The following ABCB5 variants were observed in gnomAD, a reference collection of about 807,000 sequenced individuals.
ABCB5 encodes the protein ATP binding cassette subfamily B member 5.
ABCB5 carries 155 observed loss-of-function variants against 144.2 expected under a neutral mutation model. The ratio of observed to expected loss-of-function variants is 1.08; its 90% CI spans 0.94 to 1.23. The LOEUF is 1.23. Among genes scored for constraint, ABCB5 ranks in the 50% most tolerant of loss-of-function variants. The pLI, the probability that ABCB5 is intolerant of heterozygous loss-of-function variation, is 0.00. For synonymous variants in ABCB5, 610 were observed against 528.6 expected (o/e 1.15, Z -2.11); for missense variants, 1,830 against 1,520.8 (o/e 1.20, Z -3.38).
At position 20,742,911 on chromosome 7, in the gene ABCB5, T is replaced by C. The variant is rs1341159016; in HGVS notation, c.3059T>C (p.Val1020Ala). The C allele has an allele frequency of 6.2e-7, 1 of 1,614,200 alleles. No homozygotes were observed. The highest frequency in any genetic ancestry group is 8.5e-7 in the Non-Finnish European group (1 of 1,180,040). ...TCEGNLEFRE[V>A]SFFYPCRPDV... The stretch of plus-strand genomic sequence containing the variant: ...GAAGGGAATTTAGAGTTTCGAGAAG[T>C]CTCTTTCTTCTATCCATGTCGCCCA... The change falls in exon 25 of 28, where the codon GTC (valine) becomes GCC (alanine). Residue 1020 changes from valine to alanine, a missense_variant. Physicochemically the swap from Val to Ala is moderately conservative, Grantham distance 64. Coordinates refer to ENST00000404938, the MANE Select transcript of ABCB5 (RefSeq NM_001163941.2).
rs548933985 is a variant in ABCB5 at position 20,643,325 on chromosome 7, C to T, written c.456C>T (p.Ile152=). 10 of 1,613,916 alleles carry T rather than the reference C, an allele frequency of 6.2e-6. No homozygotes were observed. The highest frequency in any genetic ancestry group is 3.3e-5 in the Admixed American group (2 of 59,994). Residue 152 remains isoleucine (I), a synonymous_variant, in exon 6 of 28, where the codon ATC becomes ATT. Transcript: ENST00000404938. The part of the protein sequence containing the change: ...QFFHSVLAQD[I]GWFDSCDIGE... Reference sequence around the variant, plus strand: ...TTCATTCAGTTTTGGCACAGGACATCGGCTGGTTTGATAGCTGTGACATCG... The same window carrying T: ...TTCATTCAGTTTTGGCACAGGACATTGGCTGGTTTGATAGCTGTGACATCG...
At chr7:20,736,958 G>A (rs1443473172) in intron 23 of ABCB5, among the ~76,000 whole-genome samples, 3 of 152,146 alleles carry the variant, frequency 2.0e-5, no homozygotes, top group African/African-American at 7.2e-5. Flanking sequence ...GGGAGGCCGA[G>A]GCAGGCGGAT....
In ABCB5 at chr7:20,716,840, C is replaced by T. The variant is rs75278043; in HGVS notation, c.2422-6176C>T. 5.8e-4 allele frequency among the ~76,000 whole-genome samples: 89 copies of T among 152,270 alleles called. 1 individual carries two copies. In the East Asian group the frequency reaches 0.016, roughly 27 times the overall value. On this transcript the variant is annotated intron_variant, in intron 20 of 27. Transcript: ENST00000404938. ...CAAAGTGGGTGAGGGCTGAACCCTA[C>T]AGCCTGTTAGCAATACAGCTTTCCC...
chr7:20,742,491 G>C (rs1019793579), intron 24 of ABCB5, among the ~76,000 whole-genome samples: 15 of 152,158 alleles, frequency 9.9e-5, no homozygotes, highest in African/African-American at 3.6e-4. Context: ...TAGTTTATGA[G>C]AACCCCAGCT....
chr7:20,754,803 G>C (rs1783034875), intron 27 of ABCB5, among the ~76,000 whole-genome samples: 1 of 152,186 alleles, frequency 6.6e-6, no homozygotes, highest in Non-Finnish European at 1.5e-5. Flanking sequence ...AGAAATTGTA[G>C]TAGAAATACT....
In ABCB5 at chr7:20,755,688, C is replaced by T. The variant is rs1783069470; in HGVS notation, c.*64C>T. The T allele has an allele frequency of 6.8e-7, 1 of 1,475,990 alleles. No homozygotes were observed. The highest frequency in any genetic ancestry group is 9.4e-7 in the Non-Finnish European group (1 of 1,067,578). 91.4% of individuals were successfully genotyped at this position (1,475,990 alleles called of 1,614,324 possible). A position where few individuals can be genotyped will look rare whatever the true frequency, so the allele number is the denominator to read the frequency against. ...GCAAAGAAGGAGTACTTAATAATTA[C>T]TTGGCAAGCTTTGATCTCTTTTATT... On this transcript the variant is annotated 3_prime_UTR_variant, in exon 28 of 28. Coordinates refer to ENST00000404938, the MANE Select transcript of ABCB5 (RefSeq NM_001163941.2).
chr7:20,632,094 C>G lies in ABCB5; in HGVS notation c.295C>G (p.Leu99Val), dbSNP rs1191861398. 7 of 1,527,990 alleles carry G rather than the reference C, an allele frequency of 4.6e-6. No homozygotes were observed. The highest frequency in any genetic ancestry group is 4.2e-5 in the African/African-American group (3 of 72,126). The allele number at this position is 1,527,990 out of a possible 1,614,324, so 94.7% of individuals were successfully genotyped here. Residue 99 changes from leucine to valine, a missense_variant, in exon 5 of 28, where the codon CTG becomes GTG. Coordinates refer to ENST00000404938, the MANE Select transcript of ABCB5 (RefSeq NM_001163941.2). ...GAACTGTACTCAGTCTCAAGAGAAG[C>G]TGAATGAAGATATGACTCTGTAAGT... ...YQNCTQSQEKLNEDMTLLTLY... is the reference protein window; with the variant it reads ...YQNCTQSQEKVNEDMTLLTLY...
chr7:20,646,223 AT>A, intron 9 of ABCB5, 85 bp downstream of exon 9: 1 of 1,267,900 alleles, frequency 7.9e-7, no homozygotes, highest in Non-Finnish European at 1.1e-6. Flanking sequence ...GAAGATAAAT[AT>A]TCAAAGATGG....
At chr7:20,713,815 G>T (rs532090204) in intron 20 of ABCB5, among the ~76,000 whole-genome samples, 1 of 149,568 alleles carries the variant, frequency 6.7e-6, no homozygotes, top group South Asian at 2.2e-4. Flanking sequence ...GTCCTGACAT[G>T]TATGCACTAC....
intron 17 of ABCB5, among the ~76,000 whole-genome samples, chr7:20,699,354 T>C (rs1786528807): frequency 6.6e-6 from 1 of 152,234 alleles, no homozygotes; most frequent in Non-Finnish European, 1.5e-5. Flanking sequence ...GATGATAGCA[T>C]CATGGTGCAC....
intron 23 of ABCB5, among the ~76,000 whole-genome samples, chr7:20,734,890 T>C (rs1311913679): frequency 6.6e-6 from 1 of 152,230 alleles, no homozygotes; most frequent in Non-Finnish European, 1.5e-5. Flanking sequence ...ATTTGTTATT[T>C]CACTATAAAT....
At chr7:20,660,642 G>C (rs1011871049) in intron 14 of ABCB5, among the ~76,000 whole-genome samples, 1 of 152,172 alleles carries the variant, frequency 6.6e-6, no homozygotes, top group Non-Finnish European at 1.5e-5. Context: ...GGGTAAGAAA[G>C]GTAGGACATC....
intron 16 of ABCB5, among the ~76,000 whole-genome samples, chr7:20,689,063 A>C (rs986245100): frequency 6.6e-6 from 1 of 152,126 alleles, no homozygotes; most frequent in Non-Finnish European, 1.5e-5. Context: ...ACATGTATAC[A>C]TATGTAACAA....
chr7:20,695,528 C>A (rs1046606314), intron 16 of ABCB5, among the ~76,000 whole-genome samples: 1 of 151,740 alleles, frequency 6.6e-6, no homozygotes, highest in South Asian at 2.1e-4. Flanking sequence ...CTAAATATAA[C>A]AACAAATGCA....
In ABCB5 at chr7:20,710,386, G is replaced by C. The variant is rs1001953650; in HGVS notation, c.2421+5579G>C. Among the ~76,000 whole-genome samples the C allele has an allele frequency of 9.3e-3, 1,136 of 121,682 alleles. 136 individuals carry two copies. Among genetic ancestry groups the C allele is most frequent in the African/African-American group, 0.032 (1,077 of 33,606 alleles). 79.8% of individuals were successfully genotyped at this position (121,682 alleles called of 152,430 possible). A position where few individuals can be genotyped will look rare whatever the true frequency, so the allele number is the denominator to read the frequency against. The stretch of plus-strand genomic sequence containing the variant: ...CCACCTCAAAAAAAAAAAAAAGTGG[G>C]GGGGGGGCATGACTGTGTTTCAATA... On this transcript the variant is annotated intron_variant, in intron 20 of 27. Transcript: ENST00000404938.
chr7:20,711,904 CCTTCCTTT>C (rs1787086197), intron 20 of ABCB5, among the ~76,000 whole-genome samples: 1 of 115,724 alleles, frequency 8.6e-6, no homozygotes, highest in African/African-American at 3.3e-5. Context: ...TTCCTTCCTT[CCTTCCTTT>C]CTTTCTCTCT....
chr7:20,684,728 A>G (rs1785936752), intron 15 of ABCB5, among the ~76,000 whole-genome samples: 2 of 152,254 alleles, frequency 1.3e-5, no homozygotes, highest in South Asian at 4.1e-4. Flanking sequence ...ATGTTTGGAT[A>G]GTCCGGGGCT....
At chr7:20,711,000 C>T (rs1787007838) in intron 20 of ABCB5, among the ~76,000 whole-genome samples, 1 of 149,724 alleles carries the variant, frequency 6.7e-6, no homozygotes, top group Non-Finnish European at 1.5e-5. Flanking sequence ...CCATCTTTAA[C>T]TTATCACAGT....
intron 5 of ABCB5, among the ~76,000 whole-genome samples, chr7:20,636,122 A>G (rs1784149951): frequency 6.6e-6 from 1 of 152,138 alleles, no homozygotes; most frequent in Non-Finnish European, 1.5e-5. Flanking sequence ...GTTTTGCTGC[A>G]GCCTCAACTT....
Sources: gnomAD v4.1 joint callset for allele counts (sites outside exome capture counted in the v4.1 genomes callset) on GRCh38, gnomAD v4.1.1 for gene constraint, MANE v1.5 for transcripts, NCBI Gene and HGNC (gene_info 2026-07-23, HGNC 2026-07-21) for gene names.